The following GPC4 variants were observed in gnomAD, a reference collection of about 807,000 sequenced individuals.
GPC4 encodes the protein glypican 4.
In GPC4, 10 loss-of-function variants were observed where a neutral mutation model predicts 35.0. The ratio of observed to expected loss-of-function variants is 0.29; its 90% CI spans 0.18 to 0.48. The LOEUF (loss-of-function observed/expected upper bound fraction) is 0.48. GPC4 is among the 20% of genes least tolerant of loss of function. The probability of loss-of-function intolerance (pLI) is 0.99; values close to 1 mark genes in which losing one functional copy is unlikely to be tolerated. For synonymous variants in GPC4, 167 were observed against 170.2 expected (o/e 0.98, Z 0.15); for missense variants, 322 against 451.3 (o/e 0.71, Z 2.60).
intron 1 of GPC4, among the ~76,000 whole-genome samples, chrX:133,409,158 A>G (rs2068801968): frequency 4.7e-5 from 2 of 42,195 alleles, no homozygotes; most frequent in East Asian, 9.9e-4. Flanking sequence ...TCATCTTGGA[A>G]AAAAAAAAAA....
At position 133,324,313 on chromosome X, in the gene GPC4, G is replaced by A; in HGVS notation, c.543C>T (p.His181=). Residue 181 remains histidine, a synonymous_variant, in exon 3 of 9, where the codon CAC becomes CAT. Coordinates refer to ENST00000370828, the MANE Select transcript of GPC4 (RefSeq NM_001448.3). ...RMFRLVNSQY[H]FTDEYLECVS... The stretch of plus-strand genomic sequence containing the variant: ...CACATTCCAGATACTCATCTGTAAA[G>A]TGGTACTGGGAGTTCACCAGGCGGA... The A allele has an allele frequency of 1.7e-6, 2 of 1,211,679 alleles. No individual in the cohort carries two copies. The highest frequency in any genetic ancestry group is 2.2e-6 in the Non-Finnish European group (2 of 895,459).
At chrX:133,405,880 G>A (rs1043712651) in intron 1 of GPC4, among the ~76,000 whole-genome samples, 1 of 112,379 alleles carries the variant, frequency 8.9e-6, no homozygotes, top group African/African-American at 3.2e-5. Context: ...GCCATTCAAT[G>A]ATTGCTGATA....
At position 133,302,703 on chromosome X, in the gene GPC4, C is replaced by T. The variant is rs2068271761; in HGVS notation, c.*164G>A. On this transcript the variant is annotated 3_prime_UTR_variant, in exon 9 of 9. Transcript: ENST00000370828. ...TGCACAGTCCCTTTTCCTCCCAAAA[C>T]TGAATGAGAAAACAAAGTCAGCACT... 2.1e-6 allele frequency: 1 copy of T among 486,773 alleles called. No individual in the cohort carries two copies. The highest frequency in any genetic ancestry group is 2.4e-5 in the African/African-American group (1 of 41,907). The allele number at this position is 486,773 out of a possible 1,213,427, so 40.1% of individuals were successfully genotyped here.
At chrX:133,387,957 T>A (rs1187103386) in intron 1 of GPC4, among the ~76,000 whole-genome samples, 4 of 111,915 alleles carry the variant, frequency 3.6e-5, no homozygotes, top group African/African-American at 1.3e-4. Flanking sequence ...AGCTCAAAAC[T>A]AGGTGGATCA....
intron 1 of GPC4, among the ~76,000 whole-genome samples, chrX:133,354,610 A>G (rs181403528): frequency 0.05 from 4,999 of 100,236 alleles, 371 homozygotes; most frequent in African/African-American, 0.18. Flanking sequence ...CGCCCAGGCC[A>G]GACTGCGGAC....
chrX:133,306,383 G>A (rs2068291188), intron 4 of GPC4, among the ~76,000 whole-genome samples: 1 of 111,318 alleles, frequency 9.0e-6, no homozygotes, highest in Non-Finnish European at 1.9e-5. Flanking sequence ...CCAGATGAAG[G>A]CTTAGTTCTA....
intron 1 of GPC4, among the ~76,000 whole-genome samples, chrX:133,354,236 C>A (rs1378384625): frequency 8.9e-6 from 1 of 112,082 alleles, no homozygotes; most frequent in Non-Finnish European, 1.9e-5. Context: ...AAAAAATAAA[C>A]CTTCTCCTTT....
chrX:133,387,053 G>T (rs896395966), intron 1 of GPC4, among the ~76,000 whole-genome samples: 1 of 111,817 alleles, frequency 8.9e-6, no homozygotes, highest in African/African-American at 3.3e-5. Context: ...TACCTACACC[G>T]CTAGCAAGCT....
intron 1 of GPC4, among the ~76,000 whole-genome samples, chrX:133,353,568 T>G (rs2068526160): frequency 9.0e-6 from 1 of 111,704 alleles, no homozygotes; most frequent in Admixed American, 9.5e-5. Context: ...ACCAATTGAT[T>G]TGGTCAAACA....
In GPC4 at chrX:133,327,636, AGTGTGTGTGTGTGT is replaced by A. The variant is rs557359106; in HGVS notation, c.320-3114_320-3101del. On this transcript the variant is annotated intron_variant, in intron 2 of 8. Transcript: ENST00000370828. ...CCATGACTCACATTCTGTCCAGGAA[AGTGTGTGTGTGTGT>A]GTGTGTGTGTGTGTGTGTGTGTGTG... Among the ~76,000 whole-genome samples the A allele has an allele frequency of 2.9e-3, 239 of 83,273 alleles. 1 individual carries two copies. The highest frequency in any genetic ancestry group is 8.7e-3 in the African/African-American group (197 of 22,660). The allele number at this position is 83,273 out of a possible 115,157, so 72.3% of individuals were successfully genotyped here. A position where few individuals can be genotyped will look rare whatever the true frequency, so the allele number is the denominator to read the frequency against.
intron 3 of GPC4, among the ~76,000 whole-genome samples, chrX:133,320,410 T>C (rs933249384): frequency 9.0e-6 from 1 of 110,807 alleles, no homozygotes; most frequent in Non-Finnish European, 1.9e-5. Flanking sequence ...GCGAATCACC[T>C]GAGGTCGGGA....
chrX:133,410,449 A>AAT (rs2068807843), intron 1 of GPC4, among the ~76,000 whole-genome samples: 1 of 112,336 alleles, frequency 8.9e-6, no homozygotes, highest in South Asian at 3.7e-4. Flanking sequence ...CAATCATGTA[A>AAT]GTTCCTTGGT....
intron 1 of GPC4, among the ~76,000 whole-genome samples, chrX:133,344,191 G>GTTTTTTTTTTTTTTT (rs747976050): frequency 1.0e-4 from 4 of 38,889 alleles, no homozygotes; most frequent in East Asian, 7.0e-4. Context: ...TTTCTTTCTG[G>GTTTTTTTTTTTTTTT]TTTTTTTTTT....
In GPC4 at chrX:133,363,418, G is replaced by A. The variant is rs187436673; in HGVS notation, c.161-24077C>T. Reference sequence around the variant, plus strand: ...CTCTCAATCATTTAATTATGAAAAGGATATACAGTTTTTCTCATTCCTCTC... The same window carrying A: ...CTCTCAATCATTTAATTATGAAAAGAATATACAGTTTTTCTCATTCCTCTC... On this transcript the variant is annotated intron_variant, in intron 1 of 8. Transcript: ENST00000370828. 3.6e-5 allele frequency among the ~76,000 whole-genome samples: 4 copies of A among 110,846 alleles called. No individual in the cohort carries two copies. The East Asian group carries it at 1.1e-3, about 32-fold the overall frequency.
At chrX:133,385,495 A>C (rs1222612962) in intron 1 of GPC4, among the ~76,000 whole-genome samples, 1 of 112,167 alleles carries the variant, frequency 8.9e-6, no homozygotes, top group Middle Eastern at 4.2e-3. Context: ...CCTCACATAC[A>C]TATGGTGCTT....
At chrX:133,354,863 C>T (rs990152910) in intron 1 of GPC4, among the ~76,000 whole-genome samples, 34 of 111,864 alleles carry the variant, frequency 3.0e-4, no homozygotes, top group Middle Eastern at 4.6e-3. Flanking sequence ...CCACCGCGCC[C>T]GGCCATGTTT....
rs193172944 is a variant in GPC4, at chrX:133,368,435, G to A, written c.161-29094C>T. On this transcript the variant is annotated intron_variant, in intron 1 of 8. Coordinates refer to ENST00000370828, the MANE Select transcript of GPC4 (RefSeq NM_001448.3). Reference sequence around the variant, plus strand: ...GATTGTGGAATTCATTCTAGCCTCCGTATCCAACACTAAGGGAAGGTTTTC... The same window carrying A: ...GATTGTGGAATTCATTCTAGCCTCCATATCCAACACTAAGGGAAGGTTTTC... Among the ~76,000 whole-genome samples the A allele has an allele frequency of 3.6e-5, 4 of 111,310 alleles. 1 individual carries two copies. The highest frequency in any genetic ancestry group is 2.9e-4 in the Admixed American group (3 of 10,470).
At chrX:133,341,011 A>G (rs998442576) in intron 1 of GPC4, among the ~76,000 whole-genome samples, 3 of 112,065 alleles carry the variant, frequency 2.7e-5, no homozygotes, top group Non-Finnish European at 5.6e-5. Context: ...GGGAAAAAAA[A>G]GGTTGTGTAA....
At chrX:133,334,436 C>T (rs1181112094) in intron 2 of GPC4, among the ~76,000 whole-genome samples, 1 of 111,574 alleles carries the variant, frequency 9.0e-6, no homozygotes, top group African/African-American at 3.3e-5. Flanking sequence ...AAGCTTCAGG[C>T]TCATGGGAGG....
Sources: gnomAD v4.1 joint callset for allele counts (sites outside exome capture counted in the v4.1 genomes callset) on GRCh38, gnomAD v4.1.1 for gene constraint, MANE v1.5 for transcripts, NCBI Gene and HGNC (gene_info 2026-07-23, HGNC 2026-07-21) for gene names.